MAGI2: variants seen among roughly 807,000 people sequenced by gnomAD.
The protein encoded by MAGI2 is membrane-associated guanylate kinase, WW and PDZ domain-containing protein 2.
In MAGI2, 35 loss-of-function variants were observed where a neutral mutation model predicts 133.3. That is an observed-to-expected ratio of 0.26 (90% confidence interval 0.20 to 0.35). MAGI2 has a LOEUF of 0.35. MAGI2 is among the 10% of genes least tolerant of loss of function. MAGI2 has a pLI of 1.00. For missense variants in MAGI2, 1,636 were observed against 1,863.4 expected (o/e 0.88, Z 2.25); for synonymous variants, 729 against 710.6 (o/e 1.03, Z -0.41).
intron 1 of MAGI2, among the ~76,000 whole-genome samples, chr7:79,105,087 TGTGA>T (rs1374907697): frequency 2.0e-5 from 3 of 152,214 alleles, no homozygotes; most frequent in Non-Finnish European, 4.4e-5. Flanking sequence ...AAGCATCAAG[TGTGA>T]GTGACAGGTT....
intron 2 of MAGI2, chr7:78,946,957 A>C (rs1563694099): frequency 6.6e-6 from 1 of 152,150 alleles, no homozygotes. Context: ...ATTCTAAGAG[A>C]CAAATGAATT....
At chr7:78,205,365 A>C (rs1395971678) in intron 10 of MAGI2, among the ~76,000 whole-genome samples, 2 of 148,462 alleles carry the variant, frequency 1.3e-5, no homozygotes, top group Non-Finnish European at 2.9e-5. Context: ...CTCCTGGCTT[A>C]AAGTGATCTG....
chr7:78,446,438 T>C (rs944049107), intron 6 of MAGI2, among the ~76,000 whole-genome samples: 1 of 152,112 alleles, frequency 6.6e-6, no homozygotes, highest in Non-Finnish European at 1.5e-5. Flanking sequence ...CTGAACTGAT[T>C]AAACATTTCA....
intron 1 of MAGI2, among the ~76,000 whole-genome samples, chr7:79,107,297 T>C (rs961046412): frequency 2.0e-4 from 30 of 152,202 alleles, no homozygotes; most frequent in Non-Finnish European, 4.3e-4. Context: ...AAATGAAAGA[T>C]GCTTCTAGCC....
intron 1 of MAGI2, among the ~76,000 whole-genome samples, chr7:79,451,211 A>G (rs1002432693): frequency 4.6e-5 from 7 of 152,306 alleles, no homozygotes; most frequent in Admixed American, 2.0e-4. Context: ...AAACTATAAT[A>G]GGGCATCCGT....
intron 2 of MAGI2, among the ~76,000 whole-genome samples, chr7:78,657,234 A>G (rs73145125): frequency 0.061 from 9,283 of 152,266 alleles, 397 homozygotes; most frequent in Non-Finnish European, 0.086. Flanking sequence ...GTGGGAATGC[A>G]AAATTGTACA....
At chr7:78,465,182 C>A (rs1403519321) in intron 6 of MAGI2, among the ~76,000 whole-genome samples, 1 of 152,166 alleles carries the variant, frequency 6.6e-6, no homozygotes, top group Non-Finnish European at 1.5e-5. Flanking sequence ...GCTTCACATA[C>A]ACACACATAT....
chr7:79,076,851 G>C (rs535285861), intron 1 of MAGI2, among the ~76,000 whole-genome samples: 2 of 152,056 alleles, frequency 1.3e-5, no homozygotes, highest in Non-Finnish European at 2.9e-5. Flanking sequence ...GCAATACCAG[G>C]CATCTACTTC....
At chr7:78,314,707 T>C (rs1188848422) in intron 9 of MAGI2, among the ~76,000 whole-genome samples, 1 of 152,218 alleles carries the variant, frequency 6.6e-6, no homozygotes, top group Non-Finnish European at 1.5e-5. Flanking sequence ...TCAATTATAA[T>C]AATTGTGGAG....
intron 6 of MAGI2, among the ~76,000 whole-genome samples, chr7:78,450,337 C>G (rs987462166): frequency 1.3e-5 from 2 of 151,894 alleles, no homozygotes; most frequent in Non-Finnish European, 2.9e-5. Context: ...CTTCACACAC[C>G]CTCAGGGCAG....
intron 1 of MAGI2, among the ~76,000 whole-genome samples, chr7:79,177,767 T>C (rs1439056361): frequency 2.0e-5 from 3 of 152,100 alleles, no homozygotes; most frequent in South Asian, 2.1e-4. Flanking sequence ...TCTGATTTTG[T>C]AGAGCCTACA....
chr7:78,174,676 C>A (rs569441113), intron 14 of MAGI2, among the ~76,000 whole-genome samples: 1 of 152,130 alleles, frequency 6.6e-6, no homozygotes, highest in South Asian at 2.1e-4. Flanking sequence ...ATGGTTTATG[C>A]TAAGGAGATG....
Position 78,837,022 on chromosome 7 carries a change from A to T in MAGI2, c.418+170068T>A, listed in dbSNP as rs566937910. Among the ~76,000 whole-genome samples the T allele has an allele frequency of 5.9e-5, 9 of 152,160 alleles. No homozygotes were observed. The East Asian group carries it at 1.7e-3, about 29-fold the overall frequency. On this transcript the variant is annotated intron_variant, in intron 2 of 21. Transcript: ENST00000354212. Reference sequence around the variant, plus strand: ...TAATTTATCATAGACCTTCACATAAACAAATTCATTTCGTTTTTCAAAATG... The same window carrying T: ...TAATTTATCATAGACCTTCACATAATCAAATTCATTTCGTTTTTCAAAATG...
At chr7:79,239,267 C>G (rs556972816) in intron 1 of MAGI2, among the ~76,000 whole-genome samples, 3 of 152,080 alleles carry the variant, frequency 2.0e-5, no homozygotes, top group Non-Finnish European at 4.4e-5. Context: ...ATGCATTTGA[C>G]AAACTTGTAA....
intron 2 of MAGI2, among the ~76,000 whole-genome samples, chr7:78,720,089 C>A (rs10252981): frequency 0.37 from 56,101 of 151,878 alleles, 10,586 homozygotes; most frequent in Middle Eastern, 0.43. Context: ...GATAAGATTA[C>A]CTAAAATGCA....
rs191693216 is a variant in MAGI2, at chr7:79,181,985, C to T, written c.302-174779G>A. Reference sequence around the variant, plus strand: ...CATCTCCATCTGAGACCACCTCAGCCTGGATTTCATTGTCCATATTATTAT... The same window carrying T: ...CATCTCCATCTGAGACCACCTCAGCTTGGATTTCATTGTCCATATTATTAT... On this transcript the variant is annotated intron_variant, in intron 1 of 21. Transcript: ENST00000354212. Among the ~76,000 whole-genome samples, 48 of 152,112 alleles carry T rather than the reference C, an allele frequency of 3.2e-4. 1 individual carries two copies. The highest frequency in any genetic ancestry group is 9.9e-4 in the African/African-American group (41 of 41,446).
intron 10 of MAGI2, among the ~76,000 whole-genome samples, chr7:78,237,582 T>C (rs1244826817): frequency 6.6e-6 from 1 of 152,216 alleles, no homozygotes; most frequent in Non-Finnish European, 1.5e-5. Context: ...CTCCTTCTAT[T>C]GAAACTTACC....
intron 1 of MAGI2, among the ~76,000 whole-genome samples, chr7:79,099,796 G>T (rs1209402469): frequency 6.6e-6 from 1 of 152,164 alleles, no homozygotes; most frequent in Non-Finnish European, 1.5e-5. Flanking sequence ...TTGATGCAAA[G>T]GATGTGATCT....
At chr7:78,248,814 T>C (rs1792069517) in intron 10 of MAGI2, among the ~76,000 whole-genome samples, 1 of 152,102 alleles carries the variant, frequency 6.6e-6, no homozygotes, top group South Asian at 2.1e-4. Context: ...GCTTGGACAA[T>C]GGTTTTTTGG....
Sources: allele counts gnomAD v4.1 joint callset (sites outside exome capture counted in the v4.1 genomes callset), GRCh38; gene constraint gnomAD v4.1.1; transcripts MANE v1.5; gene names NCBI Gene and HGNC (gene_info 2026-07-23, HGNC 2026-07-21).